PAXIP1: variants seen among roughly 807,000 people sequenced by gnomAD.
PAXIP1 encodes PAX interacting protein 1.
In PAXIP1, 19 loss-of-function variants were observed where a neutral mutation model predicts 140.6. The ratio of observed to expected loss-of-function variants is 0.14; its 90% CI spans 0.09 to 0.20. The LOEUF (loss-of-function observed/expected upper bound fraction) is 0.20, where lower values mean the gene tolerates loss of function less well. Ranked by LOEUF, PAXIP1 falls within the 10% of genes least tolerant of loss-of-function variation. The probability of loss-of-function intolerance (pLI) is 1.00; values close to 1 mark genes in which losing one functional copy is unlikely to be tolerated. For missense variants in PAXIP1, 920 were observed against 1,208.6 expected, an observed-to-expected ratio of 0.76 and a Z score of 3.54; for synonymous variants, 442 against 444.6, an observed-to-expected ratio of 0.99 and a Z score of 0.07.
intron 2 of PAXIP1, among the ~76,000 whole-genome samples, chr7:154,994,338 A>G (rs1193680427): frequency 2.0e-5 from 3 of 152,142 alleles, no homozygotes; most frequent in African/African-American, 7.2e-5. Flanking sequence ...TTTAATTTTT[A>G]TAATTATACA....
chr7:154,985,180 G>A (rs1563384386), intron 4 of PAXIP1, among the ~76,000 whole-genome samples: 1 of 152,150 alleles, frequency 6.6e-6, no homozygotes, highest in Non-Finnish European at 1.5e-5. Flanking sequence ...AGTGGTGATA[G>A]GATTATGGGG....
At chr7:154,976,965 G>A (rs935715204) in intron 5 of PAXIP1, among the ~76,000 whole-genome samples, 1 of 152,232 alleles carries the variant, frequency 6.6e-6, no homozygotes, top group Admixed American at 6.5e-5. Context: ...TAAAACCACT[G>A]CTGAATGATG....
Position 154,956,966 on chromosome 7 carries a change from C to T in PAXIP1, c.2549+258G>A. ...TCCCACCCCACTTCCACCACTGCAA[C>T]TTCTGTTTTACATGTTGGAAAGGGG... On this transcript the variant is annotated intron_variant, in intron 14 of 20. Coordinates refer to ENST00000404141, the MANE Select transcript of PAXIP1 (RefSeq NM_007349.4). This position sits in a 1 kb window ranked among gnomAD's most constrained non-coding sequence, Gnocchi z 4.2. 3.2e-6 allele frequency: 1 copy of T among 311,676 alleles called. No homozygotes were observed. The highest frequency in any genetic ancestry group is 6.6e-5 in the East Asian group (1 of 15,252). 19.3% of individuals were successfully genotyped at this position (311,676 alleles called of 1,614,324 possible).
At chr7:155,002,798 G>A (rs1014545176) in intron 1 of PAXIP1, 51 bp downstream of exon 1, 2 of 1,090,370 alleles carry the variant, frequency 1.8e-6, no homozygotes, top group Non-Finnish European at 1.2e-6. Context: ...GGACGGGGAC[G>A]GACGGGGACG....
chr7:154,944,601 T>A (rs1385367427), intron 20 of PAXIP1: 1 of 154,280 alleles, frequency 6.5e-6, no homozygotes, highest in African/African-American at 2.4e-5. Flanking sequence ...AAGCTATGGA[T>A]ATGAAAAAAG....
Position 154,975,862 on chromosome 7 carries a change from A to T in PAXIP1, c.908T>A (p.Ile303Asn), listed in dbSNP as rs770925194. 3.9e-5 allele frequency: 63 copies of T among 1,613,820 alleles called. No individual in the cohort carries two copies. The highest frequency in any genetic ancestry group is 5.3e-5 in the Non-Finnish European group (63 of 1,179,884). Residue 303 changes from isoleucine to asparagine, a missense_variant, in exon 6 of 21, where the codon ATT (isoleucine) becomes AAT (asparagine). Ile to Asn is a moderately radical substitution (Grantham distance 149). Transcript: ENST00000404141. ...ATTACCCCGGACCTCAGGGGGCAAA[A>T]TGTTACCTGGGACGGGTGGGACATT... is the stretch of plus-strand genomic sequence containing the variant. ...CANVPPVPGN[I>N]LPPEVRGNLM...
At chr7:154,998,910 A>C (rs1470176004) in intron 1 of PAXIP1, 126 bp from the exon 2 acceptor site, 1 of 798,914 alleles carries the variant, frequency 1.3e-6, no homozygotes, top group Non-Finnish European at 1.9e-6. Context: ...CCCACATAAA[A>C]ACTAACAGCC....
At chr7:154,957,134 A>G in intron 14 of PAXIP1, 90 bp downstream of exon 14, 1 of 648,954 alleles carries the variant, frequency 1.5e-6, no homozygotes, top group Non-Finnish European at 2.7e-6. Context: ...TTACTGCAAA[A>G]CATTTTAGAA....
At chr7:154,990,385 C>G (rs555085141) in intron 4 of PAXIP1, among the ~76,000 whole-genome samples, 1 of 152,126 alleles carries the variant, frequency 6.6e-6, no homozygotes, top group African/African-American at 2.4e-5. Context: ...CAGGTGAAAA[C>G]GAAATGAGTA....
Position 154,956,189 on chromosome 7 carries a change from G to A in PAXIP1, c.2550-558C>T, listed in dbSNP as rs1254609652. Among the ~76,000 whole-genome samples the A allele has an allele frequency of 6.6e-6, 1 of 151,906 alleles. No individual in the cohort carries two copies. Among genetic ancestry groups the A allele is most frequent in the Non-Finnish European group, 1.5e-5 (1 of 67,964 alleles). On this transcript the variant is annotated intron_variant, in intron 14 of 20. Transcript: ENST00000404141. This position sits in a 1 kb window ranked among gnomAD's most constrained non-coding sequence, Gnocchi z 4.2. The stretch of plus-strand genomic sequence containing the variant: ...CACACGTTTTAAATTAAACCTTTTT[G>A]TTTTTTACATGAATTTTTTAGGTCT...
Position 154,961,576 on chromosome 7 carries a change from T to G in PAXIP1, c.2200A>C (p.Lys734Gln). ...CTGCGGCATAGATAACCCGTATATT[T>G]GGCACCTGCCAAATAAGCCATTAAT... ...LKLMAYLAGA[K>Q]YTGYLCRSNT... Residue 734 changes from lysine to glutamine, a missense_variant, in exon 11 of 21, where the codon AAA becomes CAA. By Grantham distance (53) the Lys-to-Gln change is moderately conservative. Around this residue, in one of 5 missense-constraint regions of PAXIP1, gnomAD observed 303 missense variants for 517.9 expected, o/e 0.59. Coordinates refer to ENST00000404141, the MANE Select transcript of PAXIP1 (RefSeq NM_007349.4). 6.2e-7 allele frequency: 1 copy of G among 1,607,784 alleles called. No homozygotes were observed. Among genetic ancestry groups the G allele is most frequent in the Non-Finnish European group, 8.5e-7 (1 of 1,176,600 alleles).
chr7:154,997,758 C>T (rs1015486123), intron 2 of PAXIP1, among the ~76,000 whole-genome samples: 12 of 152,216 alleles, frequency 7.9e-5, no homozygotes, highest in Admixed American at 2.0e-4. Context: ...AAGTTGGATA[C>T]ACCCCAGACG....
In PAXIP1 at chr7:154,947,143, A is replaced by G. The variant is rs534753553; in HGVS notation, c.2923-330T>C. ...TTCTATACAATTTTAAATCAGCATTATATTTCACCACACTTATCTGCCCAG... is the reference window on the plus strand; with the variant it reads ...TTCTATACAATTTTAAATCAGCATTGTATTTCACCACACTTATCTGCCCAG... On this transcript the variant is annotated intron_variant, in intron 17 of 20. Transcript: ENST00000404141. The G allele has an allele frequency of 1.5e-5, 3 of 206,018 alleles. No individual in the cohort carries two copies. The East Asian group carries it at 3.9e-4, about 27-fold the overall frequency. The allele number at this position is 206,018 out of a possible 1,614,324, so 12.8% of individuals were successfully genotyped here.
intron 20 of PAXIP1, chr7:154,945,786 T>C: frequency 2.0e-6 from 2 of 984,816 alleles, no homozygotes; most frequent in Non-Finnish European, 2.4e-6. Context: ...AAAATAATAA[T>C]TCAGAGATTT....
chr7:154,970,664 T>C (rs1456447503), intron 6 of PAXIP1, among the ~76,000 whole-genome samples: 1 of 152,232 alleles, frequency 6.6e-6, no homozygotes, highest in African/African-American at 2.4e-5. Context: ...CAGCATTTGG[T>C]GCTGTGCAAA....
intron 20 of PAXIP1, chr7:154,945,664 A>AG: frequency 1.0e-6 from 1 of 985,420 alleles, no homozygotes; most frequent in Non-Finnish European, 1.2e-6. Flanking sequence ...AGAAGTCCTG[A>AG]GAACAGCCCT....
intron 20 of PAXIP1, chr7:154,945,694 T>C (rs1807934142): frequency 1.0e-6 from 1 of 985,416 alleles, no homozygotes. Flanking sequence ...TGCTCTGCAA[T>C]GGGAAACGGA....
intron 5 of PAXIP1, among the ~76,000 whole-genome samples, chr7:154,978,455 C>T (rs116772016): frequency 6.6e-6 from 1 of 152,172 alleles, no homozygotes; most frequent in Non-Finnish European, 1.5e-5. Context: ...TTTACCTATA[C>T]CCTCGACAAT....
chr7:154,995,573 A>G (rs1156497093), intron 2 of PAXIP1, among the ~76,000 whole-genome samples: 3 of 152,228 alleles, frequency 2.0e-5, no homozygotes, highest in African/African-American at 7.2e-5. Flanking sequence ...AAGCTGGCTG[A>G]TCGCGATGGC....
Sources: allele counts gnomAD v4.1 joint callset (sites outside exome capture counted in the v4.1 genomes callset), GRCh38; gene constraint gnomAD v4.1.1; regional missense constraint gnomAD v4.1.1; non-coding constraint Gnocchi (gnomAD v3.1); transcripts MANE v1.5; gene names NCBI Gene and HGNC (gene_info 2026-07-23, HGNC 2026-07-21).